Variants in CDH10 observed in about 807,000 individuals in gnomAD.
CDH10 encodes cadherin-10.
Under a neutral mutation model 73.1 loss-of-function variants are expected in CDH10, and 30 were observed. The observed-to-expected ratio is 0.41, with a 90% CI of 0.31 to 0.56. CDH10 has a LOEUF of 0.56. Ranked by LOEUF, CDH10 falls within the 20% of genes least tolerant of loss-of-function variation. CDH10 has a pLI of 0.27. For synonymous variants in CDH10, 345 were observed against 348.2 expected (o/e 0.99, Z 0.10); for missense variants, 815 against 973.7 (o/e 0.84, Z 2.17).
intron 2 of CDH10, among the ~76,000 whole-genome samples, chr5:24,558,578 C>T (rs1744848538): frequency 1.3e-5 from 2 of 151,208 alleles, no homozygotes; most frequent in African/African-American, 4.9e-5. Context: ...ATTCAACTTC[C>T]AAAGGATGTA....
At chr5:24,546,407 T>C (rs1744340365) in intron 2 of CDH10, among the ~76,000 whole-genome samples, 1 of 152,190 alleles carries the variant, frequency 6.6e-6, no homozygotes. Flanking sequence ...GAGATATTCA[T>C]ATCTTCATCA....
rs762951958 is a variant in CDH10, at chr5:24,511,337, G to C, written c.992C>G (p.Thr331Ser). The change falls in exon 6 of 12, where the codon ACT becomes AGT. Residue 331 changes from threonine to serine, a missense_variant. Around this residue, in one of 3 missense-constraint regions of CDH10, gnomAD observed 516 missense variants for 636.6 expected, o/e 0.81. Coordinates refer to ENST00000264463, the MANE Select transcript of CDH10 (RefSeq NM_006727.5). ...TEKDTQEGII[T>S]VKKPLDYESR... ...ATGGATGCTGTGCACCTTTTTCACA[G>C]TGATGATGCCTTCCTGTGTGTCCTT... 2 of 1,606,612 alleles carry C rather than the reference G, an allele frequency of 1.2e-6. No homozygotes were observed. Among genetic ancestry groups the C allele is most frequent in the South Asian group, 1.1e-5 (1 of 90,772 alleles).
At chr5:24,621,191 GA>G (rs1234139131) in intron 1 of CDH10, among the ~76,000 whole-genome samples, 2 of 152,118 alleles carry the variant, frequency 1.3e-5, no homozygotes, top group African/African-American at 4.8e-5. Flanking sequence ...CAGTGCCAAT[GA>G]GTGTCAGAGA....
In CDH10 at chr5:24,511,838, A is replaced by G. The variant is rs548734879; in HGVS notation, c.815-324T>C. 4.0e-4 allele frequency among the ~76,000 whole-genome samples: 61 copies of G among 152,328 alleles called. 1 individual carries two copies. In the South Asian group the frequency reaches 0.013, roughly 32 times the overall value. The stretch of plus-strand genomic sequence containing the variant: ...ACGAGTTCATATCTCTCGCAGGAAC[A>G]TGGATAGAGGTGGAGGCCATTATCC... On this transcript the variant is annotated intron_variant, in intron 5 of 11. Transcript: ENST00000264463.
At chr5:24,531,590 G>A (rs1308087911) in intron 5 of CDH10, among the ~76,000 whole-genome samples, 2 of 152,062 alleles carry the variant, frequency 1.3e-5, no homozygotes, top group African/African-American at 4.8e-5. Flanking sequence ...AGGAAAGATA[G>A]CTTGTATAGA....
At chr5:24,503,360 T>C (rs1742565898) in intron 8 of CDH10, among the ~76,000 whole-genome samples, 1 of 152,158 alleles carries the variant, frequency 6.6e-6, no homozygotes, top group South Asian at 2.1e-4. Context: ...CATCACACCA[T>C]GGGAATTAGC....
At chr5:24,509,240 C>CTTTTTTTTTTTTTTTTTTTTTTTTTT (rs35903930) in intron 7 of CDH10, among the ~76,000 whole-genome samples, 2 of 85,326 alleles carry the variant, frequency 2.3e-5, no homozygotes, top group African/African-American at 9.8e-5. Context: ...CTCCTTTTTC[C>CTTTTTTTTTTTTTTTTTTTTTTTTTT]TTTTTTTTTT....
chr5:24,541,456 T>C (rs1201986777), intron 2 of CDH10, among the ~76,000 whole-genome samples: 1 of 152,052 alleles, frequency 6.6e-6, no homozygotes, highest in Non-Finnish European at 1.5e-5. Flanking sequence ...TTCTCATGAT[T>C]CTTCCTTTTT....
intron 3 of CDH10, 92 bp downstream of exon 3, chr5:24,537,288 G>T: frequency 1.2e-6 from 1 of 821,792 alleles, no homozygotes; most frequent in South Asian, 1.8e-5. Flanking sequence ...AAATCAAAGA[G>T]GATTTCAATT....
intron 11 of CDH10, among the ~76,000 whole-genome samples, chr5:24,490,452 G>A (rs71616659): frequency 0.07 from 10,609 of 151,822 alleles, 372 homozygotes; most frequent in African/African-American, 0.088. Flanking sequence ...TAATACGCAC[G>A]TTCTCATTTC....
At chr5:24,572,935 G>GAAAAAAAAAAAAA (rs55946839) in intron 2 of CDH10, among the ~76,000 whole-genome samples, 18 of 72,058 alleles carry the variant, frequency 2.5e-4, no homozygotes, top group African/African-American at 4.4e-4. Context: ...CTTAGAAAAA[G>GAAAAAAAAAAAAA]AAAAAAAAAA....
chr5:24,494,454 G>T (rs927777315), intron 9 of CDH10, among the ~76,000 whole-genome samples: 3 of 151,862 alleles, frequency 2.0e-5, no homozygotes, highest in African/African-American at 7.2e-5. Flanking sequence ...TAGACTACTA[G>T]AAATCCTTAG....
intron 1 of CDH10, among the ~76,000 whole-genome samples, chr5:24,629,659 C>T (rs1747638876): frequency 6.6e-6 from 1 of 152,086 alleles, no homozygotes; most frequent in Non-Finnish European, 1.5e-5. Context: ...CATGATAGTG[C>T]ATGAGTCTCA....
chr5:24,567,776 A>G (rs1051137556), intron 2 of CDH10, among the ~76,000 whole-genome samples: 16 of 152,108 alleles, frequency 1.1e-4, no homozygotes, highest in African/African-American at 3.9e-4. Context: ...ACTTTGCTAT[A>G]TGTAAATTAT....
chr5:24,528,822 G>C lies in CDH10; in HGVS notation c.814+6290C>G, dbSNP rs73067137. ...TTTTTGATGTGCCAATATCTTTCTA[G>C]GTGTAGTGCTTTGAAGCACAGGCTT... On this transcript the variant is annotated intron_variant, in intron 5 of 11. Transcript: ENST00000264463. Among the ~76,000 whole-genome samples, 256 of 152,072 alleles carry C rather than the reference G, an allele frequency of 1.7e-3. 2 individuals carry two copies. The highest frequency in any genetic ancestry group is 5.6e-3 in the African/African-American group (233 of 41,566).
At position 24,488,084 on chromosome 5, in the gene CDH10, T is replaced by G; in HGVS notation, c.1946A>C (p.Asp649Ala). 6.2e-7 allele frequency: 1 copy of G among 1,613,968 alleles called. No individual in the cohort carries two copies. Among genetic ancestry groups the G allele is most frequent in the Non-Finnish European group, 8.5e-7 (1 of 1,179,884 alleles). The stretch of plus-strand genomic sequence containing the variant: ...ATAGCTCACAATGTTGTCTCTGATA[T>G]CTTCTTTTGACAAGATCAGAGGCTC... ...KKEPLILSKE[D>A]IRDNIVSYND... is the part of the protein sequence containing the mutation. The change falls in exon 12 of 12, where the codon GAT becomes GCT. Residue 649 changes from aspartate to alanine, a missense_variant. By Grantham distance (126) the Asp-to-Ala change is moderately radical. Coordinates refer to ENST00000264463, the MANE Select transcript of CDH10 (RefSeq NM_006727.5).
chr5:24,546,714 A>C (rs528853684), intron 2 of CDH10, among the ~76,000 whole-genome samples: 1 of 152,248 alleles, frequency 6.6e-6, no homozygotes, highest in African/African-American at 2.4e-5. Flanking sequence ...ATTTTGAACT[A>C]TTATTTTTGT....
At chr5:24,513,110 C>T (rs191487307) in intron 5 of CDH10, among the ~76,000 whole-genome samples, 95 of 151,716 alleles carry the variant, frequency 6.3e-4, no homozygotes, top group Admixed American at 3.6e-3. Context: ...CCCTTACCTC[C>T]CGGGTTCAAG....
At chr5:24,528,784 A>G (rs1043816370) in intron 5 of CDH10, among the ~76,000 whole-genome samples, 16 of 152,116 alleles carry the variant, frequency 1.1e-4, no homozygotes, top group African/African-American at 3.8e-4. Flanking sequence ...GGGATGCATC[A>G]AGGAAGATTA....
Sources: allele counts gnomAD v4.1 joint callset (sites outside exome capture counted in the v4.1 genomes callset), GRCh38; gene constraint gnomAD v4.1.1; regional missense constraint gnomAD v4.1.1; transcripts MANE v1.5; gene names NCBI Gene and HGNC (gene_info 2026-07-23, HGNC 2026-07-21).